The following DTHD1 variants were observed in gnomAD, a reference collection of about 807,000 sequenced individuals.
DTHD1 encodes death domain-containing protein 1.
Under a neutral mutation model 74.8 loss-of-function variants are expected in DTHD1, and 59 were observed. The observed-to-expected ratio is 0.79, with a 90% CI of 0.64 to 0.98. The LOEUF (loss-of-function observed/expected upper bound fraction) is 0.98, where lower values mean the gene tolerates loss of function less well. Ranked by LOEUF, DTHD1 falls within the 50% of genes least tolerant of loss-of-function variation. The probability of loss-of-function intolerance (pLI) is 0.00; values close to 1 mark genes in which losing one functional copy is unlikely to be tolerated. For synonymous variants in DTHD1, 365 were observed against 371.1 expected, an observed-to-expected ratio of 0.98 and a Z score of 0.19; for missense variants, 1,051 against 1,065.4, an observed-to-expected ratio of 0.99 and a Z score of 0.19.
At chr4:36,326,859 G>A (rs1758376724) in intron 8 of DTHD1, among the ~76,000 whole-genome samples, 3 of 152,270 alleles carry the variant, frequency 2.0e-5, no homozygotes, top group South Asian at 2.1e-4. Flanking sequence ...TTTGTGTGTG[G>A]CTGTCCAGGC....
At chr4:36,327,796 G>T (rs1379599228) in intron 8 of DTHD1, among the ~76,000 whole-genome samples, 1 of 152,050 alleles carries the variant, frequency 6.6e-6, no homozygotes, top group Non-Finnish European at 1.5e-5. Context: ...TATATTTTCT[G>T]AAATATCTAG....
chr4:36,283,245 C>T lies in DTHD1; in HGVS notation c.272-731C>T, dbSNP rs142664707. Among the ~76,000 whole-genome samples the T allele has an allele frequency of 6.0e-3, 920 of 152,192 alleles. 5 individuals are homozygous for T. The highest frequency in any genetic ancestry group is 0.02 in the Middle Eastern group (6 of 294). On this transcript the variant is annotated intron_variant, in intron 1 of 9. Transcript: ENST00000639862. Reference sequence around the variant, plus strand: ...AATAGGAGAGTGGGAAGAATGATGACGGAGTGAGAGATTATATAAGATTTG... The same window carrying T: ...AATAGGAGAGTGGGAAGAATGATGATGGAGTGAGAGATTATATAAGATTTG...
At chr4:36,334,815 G>T (rs13140371) in intron 8 of DTHD1, among the ~76,000 whole-genome samples, 65,520 of 152,056 alleles carry the variant, frequency 0.43, 15,362 homozygotes, top group African/African-American at 0.62. Context: ...TAAAAACCTT[G>T]CTGTGCAGAT....
At chr4:36,320,339 A>C (rs1298170602) in intron 8 of DTHD1, among the ~76,000 whole-genome samples, 1 of 152,210 alleles carries the variant, frequency 6.6e-6, no homozygotes, top group Non-Finnish European at 1.5e-5. Flanking sequence ...TCAACTCTGT[A>C]TTGCCAGTGC....
chr4:36,342,785 A>G (rs1759388622), intron 9 of DTHD1, among the ~76,000 whole-genome samples: 1 of 151,904 alleles, frequency 6.6e-6, no homozygotes, highest in Admixed American at 6.6e-5. Context: ...TTCAAAAACA[A>G]TGCTACTCGG....
At chr4:36,320,940 A>G (rs1758004964) in intron 8 of DTHD1, among the ~76,000 whole-genome samples, 1 of 152,232 alleles carries the variant, frequency 6.6e-6, no homozygotes, top group Non-Finnish European at 1.5e-5. Flanking sequence ...ATATTTACAT[A>G]TATGTATCTA....
At chr4:36,329,917 G>C (rs1222336150) in intron 8 of DTHD1, among the ~76,000 whole-genome samples, 1 of 152,090 alleles carries the variant, frequency 6.6e-6, no homozygotes, top group African/African-American at 2.4e-5. Context: ...AGGTTTTCTA[G>C]TATTTATATA....
In DTHD1 at chr4:36,293,511, C is replaced by A. The variant is rs559821099; in HGVS notation, c.1219-15C>A. On this transcript the variant is annotated splice_polypyrimidine_tract_variant and intron_variant, in intron 3 of 9. Coordinates refer to ENST00000639862, the MANE Select transcript of DTHD1 (RefSeq NM_001170700.3). ...CAGTGCTATAGCTTATTTTAATGTT[C>A]TTTATTCTATACAGGGGACCTGTGC... 3 of 1,492,312 alleles carry A rather than the reference C, an allele frequency of 2.0e-6. No individual in the cohort carries two copies. The Admixed American group carries it at 6.7e-5, about 34-fold the overall frequency. The allele number at this position is 1,492,312 out of a possible 1,614,324, so 92.4% of individuals were successfully genotyped here.
chr4:36,329,784 C>T (rs1758564672), intron 8 of DTHD1, among the ~76,000 whole-genome samples: 1 of 152,194 alleles, frequency 6.6e-6, no homozygotes, highest in African/African-American at 2.4e-5. Context: ...TTGTTGTTAA[C>T]ATGTTTTCAC....
intron 8 of DTHD1, among the ~76,000 whole-genome samples, chr4:36,327,969 C>G (rs989722345): frequency 2.6e-5 from 4 of 151,934 alleles, no homozygotes; most frequent in African/African-American, 9.7e-5. Flanking sequence ...TTTATCAATC[C>G]CCCCTCCCCT....
At position 36,308,204 on chromosome 4, in the gene DTHD1, G is replaced by T; in HGVS notation, c.1806G>T (p.Arg602Ser). 2 of 1,551,700 alleles carry T rather than the reference G, an allele frequency of 1.3e-6. No individual in the cohort carries two copies. The highest frequency in any genetic ancestry group is 1.7e-6 in the Non-Finnish European group (2 of 1,146,748). Reference protein sequence around the residue: ...VSVELYEHLERFIVLHLSSTM... With the variant: ...VSVELYEHLESFIVLHLSSTM... Reference sequence around the variant, plus strand: ...GGTCTCACCTCTTTCTTCCATGCAGGTTTATTGTACTTCACCTCTCTTCCA... The same window carrying T: ...GGTCTCACCTCTTTCTTCCATGCAGTTTTATTGTACTTCACCTCTCTTCCA... Residue 602 changes from arginine (R) to serine (S), a missense_variant and splice_region_variant, in exon 7 of 10, where the codon AGG (arginine) becomes AGT (serine). Coordinates refer to ENST00000639862, the MANE Select transcript of DTHD1 (RefSeq NM_001170700.3).
At chr4:36,306,691 C>T (rs904367818) in intron 6 of DTHD1, among the ~76,000 whole-genome samples, 17 of 152,108 alleles carry the variant, frequency 1.1e-4, no homozygotes, top group African/African-American at 1.4e-4. Context: ...TATAGATAAG[C>T]GGAATTTGTT....
At chr4:36,321,603 T>C (rs1758041251) in intron 8 of DTHD1, among the ~76,000 whole-genome samples, 1 of 152,102 alleles carries the variant, frequency 6.6e-6, no homozygotes, top group Non-Finnish European at 1.5e-5. Context: ...TATATTACAA[T>C]ATAATAATAA....
intron 7 of DTHD1, among the ~76,000 whole-genome samples, chr4:36,314,460 T>G (rs1757580681): frequency 6.6e-6 from 1 of 150,394 alleles, no homozygotes; most frequent in South Asian, 2.1e-4. Flanking sequence ...ATTGCTTGCC[T>G]TCAGGAGAGT....
At chr4:36,310,919 C>T (rs1053233849) in intron 7 of DTHD1, among the ~76,000 whole-genome samples, 12 of 152,058 alleles carry the variant, frequency 7.9e-5, no homozygotes, top group Non-Finnish European at 1.8e-4. Context: ...ACTTGGCTTC[C>T]GGAGCAGAAA....
chr4:36,326,397 A>G (rs1758346852), intron 8 of DTHD1, among the ~76,000 whole-genome samples: 1 of 150,474 alleles, frequency 6.6e-6, no homozygotes, highest in African/African-American at 2.4e-5. Context: ...AAGCATTTAC[A>G]CATTAACTTA....
intron 9 of DTHD1, among the ~76,000 whole-genome samples, chr4:36,342,888 A>G (rs1032421505): frequency 6.7e-6 from 1 of 148,428 alleles, no homozygotes; most frequent in East Asian, 2.0e-4. Flanking sequence ...ATCTTGGCCA[A>G]CAGATGAAAC....
At position 36,282,042 on chromosome 4, in the gene DTHD1, T is replaced by C. The variant is rs1278217782; in HGVS notation, c.271+13T>C. On this transcript the variant is annotated intron_variant, in intron 1 of 9. Coordinates refer to ENST00000639862, the MANE Select transcript of DTHD1 (RefSeq NM_001170700.3). ...GTCTCGAGAAAAGGCAAGTATTCTT[T>C]TTTTTAGTTTATTCTTTCTCTAAGA... 2.0e-6 allele frequency: 3 copies of C among 1,520,270 alleles called. No homozygotes were observed. Among genetic ancestry groups the C allele is most frequent in the Non-Finnish European group, 2.7e-6 (3 of 1,130,236 alleles). 94.2% of individuals were successfully genotyped at this position (1,520,270 alleles called of 1,614,324 possible).
At chr4:36,333,281 T>C (rs1299622906) in intron 8 of DTHD1, among the ~76,000 whole-genome samples, 5 of 152,072 alleles carry the variant, frequency 3.3e-5, no homozygotes, top group African/African-American at 1.2e-4. Context: ...CTCTAGTCAT[T>C]GGGGCCAGCA....
Sources: gnomAD v4.1 joint callset for allele counts (sites outside exome capture counted in the v4.1 genomes callset) on GRCh38, gnomAD v4.1.1 for gene constraint, MANE v1.5 for transcripts, NCBI Gene and HGNC (gene_info 2026-07-23, HGNC 2026-07-21) for gene names.